FANCC: variants seen among roughly 807,000 people sequenced by gnomAD.
FANCC encodes Fanconi anemia group C protein.
Under a neutral mutation model 71.3 loss-of-function variants are expected in FANCC, and 55 were observed. The observed-to-expected ratio is 0.77, with a 90% CI of 0.62 to 0.97. FANCC has a LOEUF of 0.97. Ranked by LOEUF, FANCC falls within the 50% of genes least tolerant of loss-of-function variation. FANCC has a pLI of 0.00. For missense variants in FANCC, 678 were observed against 670.9 expected, an observed-to-expected ratio of 1.01 and a Z score of -0.12; for synonymous variants, 275 against 244.9, an observed-to-expected ratio of 1.12 and a Z score of -1.15.
At chr9:95,182,653 G>A (rs1826448359) in intron 4 of FANCC, among the ~76,000 whole-genome samples, 1 of 152,160 alleles carries the variant, frequency 6.6e-6, no homozygotes, top group African/African-American at 2.4e-5. Context: ...GAAGGGTGCT[G>A]CAGGTGGGAA....
At chr9:95,234,563 C>A (rs1293526719) in intron 4 of FANCC, among the ~76,000 whole-genome samples, 1 of 152,204 alleles carries the variant, frequency 6.6e-6, no homozygotes, top group Non-Finnish European at 1.5e-5. Flanking sequence ...GGAAGAACTT[C>A]CTCCTGGATA....
chr9:95,107,582 A>T (rs1276659558), intron 13 of FANCC: 1 of 469,024 alleles, frequency 2.1e-6, no homozygotes, highest in Non-Finnish European at 3.9e-6. Flanking sequence ...ATATTGTGGG[A>T]AAAAGAACAA....
At chr9:95,284,192 G>A (rs1588414995) in intron 1 of FANCC, among the ~76,000 whole-genome samples, 1 of 152,266 alleles carries the variant, frequency 6.6e-6, no homozygotes, top group Non-Finnish European at 1.5e-5. Flanking sequence ...AAAAGCAATG[G>A]AGTCAACAGA....
intron 4 of FANCC, among the ~76,000 whole-genome samples, chr9:95,183,845 T>C (rs552346385): frequency 1.3e-5 from 2 of 152,236 alleles, no homozygotes; most frequent in Non-Finnish European, 2.9e-5. Flanking sequence ...GAAGTTATAA[T>C]GCATATCTAC....
chr9:95,286,739 A>G (rs1289883071), intron 1 of FANCC, among the ~76,000 whole-genome samples: 2 of 152,216 alleles, frequency 1.3e-5, no homozygotes, highest in African/African-American at 4.8e-5. Flanking sequence ...GGGGAGCATC[A>G]TCAGACCCAG....
intron 1 of FANCC, among the ~76,000 whole-genome samples, chr9:95,275,290 A>C (rs963838542): frequency 6.6e-6 from 1 of 152,084 alleles, no homozygotes; most frequent in East Asian, 1.9e-4. Flanking sequence ...TCTCAAAAAA[A>C]TAAATAAACA....
chr9:95,147,704 T>A (rs1829751068), intron 7 of FANCC, among the ~76,000 whole-genome samples: 1 of 152,218 alleles, frequency 6.6e-6, no homozygotes, highest in African/African-American at 2.4e-5. Flanking sequence ...TGCAACAATA[T>A]TTTGAATACT....
chr9:95,161,683 G>A (rs1830754700), intron 6 of FANCC, among the ~76,000 whole-genome samples: 1 of 152,132 alleles, frequency 6.6e-6, no homozygotes, highest in Admixed American at 6.5e-5. Context: ...TAACTATACA[G>A]TACAGTAGTG....
intron 4 of FANCC, among the ~76,000 whole-genome samples, chr9:95,174,931 A>G (rs1296397452): frequency 6.6e-6 from 1 of 152,166 alleles, no homozygotes; most frequent in Non-Finnish European, 1.5e-5. Flanking sequence ...TATCTCACAC[A>G]TCCAAAAAGA....
At chr9:95,152,776 C>T (rs989369782) in intron 6 of FANCC, among the ~76,000 whole-genome samples, 6 of 149,842 alleles carry the variant, frequency 4.0e-5, no homozygotes, top group Non-Finnish European at 8.9e-5. Context: ...TTTTTCACTA[C>T]CCCCCATCCC....
intron 4 of FANCC, among the ~76,000 whole-genome samples, chr9:95,181,361 T>C (rs1459619279): frequency 6.6e-6 from 1 of 152,108 alleles, no homozygotes; most frequent in Admixed American, 6.5e-5. Context: ...ACCTCAAACT[T>C]TGGTCCTCTA....
At chr9:95,291,093 A>G (rs746935376) in intron 1 of FANCC, among the ~76,000 whole-genome samples, 1 of 152,226 alleles carries the variant, frequency 6.6e-6, no homozygotes, top group Non-Finnish European at 1.5e-5. Flanking sequence ...ACACAAGGCC[A>G]TCTGTGACAG....
chr9:95,289,135 A>C (rs1833862107), intron 1 of FANCC, among the ~76,000 whole-genome samples: 1 of 152,304 alleles, frequency 6.6e-6, no homozygotes, highest in South Asian at 2.1e-4. Flanking sequence ...GTATCATTTC[A>C]ATCTACTACT....
chr9:95,176,926 G>A (rs1221887978), intron 4 of FANCC, among the ~76,000 whole-genome samples: 1 of 152,246 alleles, frequency 6.6e-6, no homozygotes, highest in Non-Finnish European at 1.5e-5. Context: ...AGCTCACGGA[G>A]GGTGACTTCC....
chr9:95,151,875 C>T (rs1350460453), intron 6 of FANCC, among the ~76,000 whole-genome samples: 1 of 151,228 alleles, frequency 6.6e-6, no homozygotes, highest in African/African-American at 2.4e-5. Flanking sequence ...CTGCAGTGAG[C>T]TGTGTTCATA....
At chr9:95,103,332 C>T (rs566637628) in intron 14 of FANCC, among the ~76,000 whole-genome samples, 2 of 152,352 alleles carry the variant, frequency 1.3e-5, no homozygotes, top group African/African-American at 4.8e-5. Flanking sequence ...GAAAACCTGC[C>T]TCCCTGCTGG....
At chr9:95,306,489 G>GC (rs1399497448) in intron 1 of FANCC, among the ~76,000 whole-genome samples, 4 of 152,174 alleles carry the variant, frequency 2.6e-5, no homozygotes, top group African/African-American at 9.7e-5. Flanking sequence ...GGAAGCTTCA[G>GC]CCCCCCTTGG....
chr9:95,292,024 G>A (rs1172018951), intron 1 of FANCC, among the ~76,000 whole-genome samples: 33 of 134,096 alleles, frequency 2.5e-4, no homozygotes, highest in Middle Eastern at 8.5e-3. Flanking sequence ...GCAATCTTGC[G>A]TCAAAAAAAC....
chr9:95,259,226 T>C (rs1339055986), intron 1 of FANCC, among the ~76,000 whole-genome samples: 1 of 152,174 alleles, frequency 6.6e-6, no homozygotes, highest in African/African-American at 2.4e-5. Flanking sequence ...AAAGTCCATA[T>C]AGCCAAGACA....
Sources: gnomAD v4.1 joint callset for allele counts (sites outside exome capture counted in the v4.1 genomes callset) on GRCh38, gnomAD v4.1.1 for gene constraint, MANE v1.5 for transcripts, NCBI Gene and HGNC (gene_info 2026-07-23, HGNC 2026-07-21) for gene names.